The following GDF6 variants were observed in gnomAD, a reference collection of about 807,000 sequenced individuals.
The protein encoded by GDF6 is growth differentiation factor 6.
In GDF6, 3 loss-of-function variants were observed where a neutral mutation model predicts 32.4. The observed-to-expected ratio is 0.09, with a 90% CI of 0.04 to 0.24. The LOEUF is 0.24. GDF6 is among the 10% of genes least tolerant of loss of function. The pLI is 1.00. For synonymous variants in GDF6, 296 were observed against 295.3 expected, an observed-to-expected ratio of 1.00 and a Z score of -0.03; for missense variants, 589 against 637.9, an observed-to-expected ratio of 0.92 and a Z score of 0.83.
chr8:96,147,332 C>A (rs1812503612), intron 1 of GDF6, among the ~76,000 whole-genome samples: 1 of 152,214 alleles, frequency 6.6e-6, no homozygotes. Flanking sequence ...AGACCAGGGT[C>A]ACATTAAAAT....
intron 1 of GDF6, among the ~76,000 whole-genome samples, chr8:96,149,244 T>A (rs530648225): frequency 6.6e-6 from 1 of 152,368 alleles, no homozygotes; most frequent in South Asian, 2.1e-4. Flanking sequence ...GTGAATCCTA[T>A]GCTTTGGGCC....
In GDF6 at chr8:96,150,729, AC is replaced by A. The variant is rs539552349; in HGVS notation, c.407-5206del. ...GAAGGTCCTAATTCCAAGTACTCTG[AC>A]CCCAGTCCTGCAGCCATGCTGCTCT... On this transcript the variant is annotated intron_variant, in intron 1 of 1. Transcript: ENST00000287020. Among the ~76,000 whole-genome samples, 63 of 152,302 alleles carry A rather than the reference AC, an allele frequency of 4.1e-4. 1 individual carries two copies. The highest frequency in any genetic ancestry group is 1.5e-3 in the African/African-American group (62 of 41,566).
At position 96,144,526 on chromosome 8, in the gene GDF6, A is replaced by C; in HGVS notation, c.*37T>G. On this transcript the variant is annotated 3_prime_UTR_variant, in exon 2 of 2. Coordinates refer to ENST00000287020, the MANE Select transcript of GDF6 (RefSeq NM_001001557.4). This position sits in a 1 kb window ranked among gnomAD's most constrained non-coding sequence, Gnocchi z 5.1. ...TCCCCTGCAAGGCGGACCTTGGCCC[A>C]CCTTGGTTCCGGGCCAAGGCGGCGG... 1 of 1,608,326 alleles carries C rather than the reference A, an allele frequency of 6.2e-7. No individual in the cohort carries two copies. The highest frequency in any genetic ancestry group is 1.1e-5 in the South Asian group (1 of 90,096).
At chr8:96,152,470 G>A (rs1812585040) in intron 1 of GDF6, among the ~76,000 whole-genome samples, 1 of 152,148 alleles carries the variant, frequency 6.6e-6, no homozygotes, top group Non-Finnish European at 1.5e-5. Flanking sequence ...CCTTTTGTGG[G>A]GGCACGATCT....
rs557228176 is a variant in GDF6 at position 96,146,709 on chromosome 8, G to C, written c.407-1185C>G. Among the ~76,000 whole-genome samples the C allele has an allele frequency of 2.5e-3, 333 of 131,952 alleles. 1 individual carries two copies. Among genetic ancestry groups the C allele is most frequent in the East Asian group, 7.7e-3 (38 of 4,956 alleles). 86.6% of individuals were successfully genotyped at this position (131,952 alleles called of 152,430 possible). On this transcript the variant is annotated intron_variant, in intron 1 of 1. Coordinates refer to ENST00000287020, the MANE Select transcript of GDF6 (RefSeq NM_001001557.4). ...ACACACACACACACACACACACACA[G>C]AGAGAGAGAGAGAGAGATAGAGAGA...
chr8:96,154,110 AC>A (rs1452205989), intron 1 of GDF6, among the ~76,000 whole-genome samples: 1 of 151,950 alleles, frequency 6.6e-6, no homozygotes, highest in Non-Finnish European at 1.5e-5. Context: ...TGCCCTCTGC[AC>A]CCCACTAAAG....
At position 96,144,880 on chromosome 8, in the gene GDF6, T is replaced by C. The variant is rs776206685; in HGVS notation, c.1051A>G (p.Arg351Gly). The change falls in exon 2 of 2, where the codon AGG (arginine) becomes GGG (glycine). Residue 351 changes from arginine to glycine, a missense_variant. Physicochemically the swap from Arg to Gly is moderately radical, Grantham distance 125. Coordinates refer to ENST00000287020, the MANE Select transcript of GDF6 (RefSeq NM_001001557.4). This position sits in a 1 kb window ranked among gnomAD's most constrained non-coding sequence, Gnocchi z 5.1. Reference sequence around the variant, plus strand: ...AGGGGCTTCTTGCTGCAGCGTAGCCTGGACTTCTTGCCGTGCCGCTTGCCA... The same window carrying C: ...AGGGGCTTCTTGCTGCAGCGTAGCCCGGACTTCTTGCCGTGCCGCTTGCCA... ...RHGKRHGKKSRLRCSKKPLHV... is the reference protein window; with the variant it reads ...RHGKRHGKKSGLRCSKKPLHV... 6.2e-7 allele frequency: 1 copy of C among 1,613,608 alleles called. No individual in the cohort carries two copies. Among genetic ancestry groups the C allele is most frequent in the South Asian group, 1.1e-5 (1 of 90,994 alleles).
rs2130204240 is a variant in GDF6 at position 96,144,476 on chromosome 8, T to A, written c.*87A>T. 1 of 1,515,422 alleles carries A rather than the reference T, an allele frequency of 6.6e-7. No homozygotes were observed. Among genetic ancestry groups the A allele is most frequent in the East Asian group, 2.4e-5 (1 of 41,674 alleles). 93.9% of individuals were successfully genotyped at this position (1,515,422 alleles called of 1,614,324 possible). A position where few individuals can be genotyped will look rare whatever the true frequency, so the allele number is the denominator to read the frequency against. On this transcript the variant is annotated 3_prime_UTR_variant, in exon 2 of 2. Transcript: ENST00000287020. The surrounding 1 kb of genome is among the most constrained non-coding windows in gnomAD (Gnocchi z 5.1). ...TCAGCCTCCCCCAGCGCCAGCTTCC[T>A]CCTCCGCCTCTCTGCAGCCAGGCCT... is the stretch of plus-strand genomic sequence containing the variant.
chr8:96,153,025 T>A (rs1235850004), intron 1 of GDF6, among the ~76,000 whole-genome samples: 2 of 152,184 alleles, frequency 1.3e-5, no homozygotes, highest in African/African-American at 2.4e-5. Context: ...CCCACCCAAC[T>A]GAAAACAGCT....
rs781041300 is a variant in GDF6 at position 96,145,224 on chromosome 8, G to A, written c.707C>T (p.Ala236Val). The change falls in exon 2 of 2, where the codon GCA (alanine) becomes GTA (valine). Residue 236 changes from alanine (A) to valine (V), a missense_variant. By Grantham distance (64) the Ala-to-Val change is moderately conservative. Transcript: ENST00000287020. This position sits in a 1 kb window ranked among gnomAD's most constrained non-coding sequence, Gnocchi z 5.6. ...CTCCCCGGCGTCCAGCTCGCCCCAT[G>A]CGGCCCGCAGCTCCAAGCACAGCTG... ...WKQLCLELRA[A>V]WGELDAGEAE... The A allele has an allele frequency of 4.6e-6, 7 of 1,511,972 alleles. No homozygotes were observed. The highest frequency in any genetic ancestry group is 2.5e-5 in the South Asian group (2 of 81,564). 93.7% of individuals were successfully genotyped at this position (1,511,972 alleles called of 1,614,324 possible).
rs1349620690 is a variant in GDF6 at position 96,143,732 on chromosome 8, T to C, written c.*831A>G. ...TCTCATTATCCTTCAAGGGGTTCCA[T>C]TTGGACTAATTCTTGTCATTCCATC... On this transcript the variant is annotated 3_prime_UTR_variant, in exon 2 of 2. Transcript: ENST00000287020. The C allele has an allele frequency of 6.5e-6, 1 of 152,722 alleles. No homozygotes were observed. The highest frequency in any genetic ancestry group is 1.5e-5 in the Non-Finnish European group (1 of 68,120). The allele number at this position is 152,722 out of a possible 1,614,324, so 9.5% of individuals were successfully genotyped here. A position where few individuals can be genotyped will look rare whatever the true frequency, so the allele number is the denominator to read the frequency against.
chr8:96,148,712 G>A (rs1335250398), intron 1 of GDF6, among the ~76,000 whole-genome samples: 1 of 152,194 alleles, frequency 6.6e-6, no homozygotes, highest in Non-Finnish European at 1.5e-5. Flanking sequence ...CAGGGCTCAG[G>A]GCAGCATCTA....
At position 96,160,621 on chromosome 8, in the gene GDF6, C is replaced by A; in HGVS notation, c.72G>T (p.Gln24His). ...ACGAGGAGGATGAGATGGAAGCCTG[C>A]TGGAAACCGGGCAAATCCCACAGAA... Reference protein sequence around the residue: ...ISFLWDLPGFQQASISSSSSS... With the variant: ...ISFLWDLPGFHQASISSSSSS... Residue 24 changes from glutamine (Q) to histidine (H), a missense_variant, in exon 1 of 2, where the codon CAG becomes CAT. This residue lies in a region of GDF6 where 436 missense variants were observed against 411.2 expected (regional missense o/e 1.06). Coordinates refer to ENST00000287020, the MANE Select transcript of GDF6 (RefSeq NM_001001557.4). The A allele has an allele frequency of 6.2e-7, 1 of 1,613,762 alleles. No homozygotes were observed. Among genetic ancestry groups the A allele is most frequent in the Non-Finnish European group, 8.5e-7 (1 of 1,179,718 alleles).
At chr8:96,148,875 T>G (rs1812524988) in intron 1 of GDF6, among the ~76,000 whole-genome samples, 1 of 152,220 alleles carries the variant, frequency 6.6e-6, no homozygotes, top group Admixed American at 6.5e-5. Flanking sequence ...TCCAAGAAGG[T>G]GGCTCCTCTG....
intron 1 of GDF6, among the ~76,000 whole-genome samples, chr8:96,152,086 C>T (rs1374529638): frequency 6.6e-6 from 1 of 152,176 alleles, no homozygotes; most frequent in Non-Finnish European, 1.5e-5. Context: ...TCCTTGTGGT[C>T]CACTTCTCTC....
In GDF6 at chr8:96,160,499, T is replaced by C; in HGVS notation, c.194A>G (p.Gln65Arg). The C allele has an allele frequency of 1.2e-6, 2 of 1,612,982 alleles. No individual in the cohort carries two copies. The highest frequency in any genetic ancestry group is 2.2e-5 in the South Asian group (2 of 91,018). ...GTCCTGAGGCCGCGGCTGTGGTTCC[T>C]GGCCCTCCCGGCCCGCGTCACTGTC... ...PRDSDAGREG[Q>R]EPQPRPQDEP... Residue 65 changes from glutamine (Q) to arginine (R), a missense_variant, in exon 1 of 2, where the codon CAG becomes CGG. By Grantham distance (43) the Gln-to-Arg change is conservative. This residue lies in a region of GDF6 where 436 missense variants were observed against 411.2 expected (regional missense o/e 1.06). Coordinates refer to ENST00000287020, the MANE Select transcript of GDF6 (RefSeq NM_001001557.4).
At chr8:96,160,262 G>T (rs758289716) in intron 1 of GDF6, 25 bp downstream of exon 1, 1 of 1,613,766 alleles carries the variant, frequency 6.2e-7, no homozygotes, top group South Asian at 1.1e-5. Context: ...CGGGAGGGGA[G>T]TCGAGCGTTT....
At chr8:96,150,049 C>T (rs1201602968) in intron 1 of GDF6, among the ~76,000 whole-genome samples, 1 of 152,200 alleles carries the variant, frequency 6.6e-6, no homozygotes, top group Non-Finnish European at 1.5e-5. Context: ...AAGGGCCTGG[C>T]ATTGCATTTT....
chr8:96,149,246 C>T (rs1812531301), intron 1 of GDF6, among the ~76,000 whole-genome samples: 1 of 152,230 alleles, frequency 6.6e-6, no homozygotes, highest in Non-Finnish European at 1.5e-5. Context: ...GAATCCTATG[C>T]TTTGGGCCCT....
Sources: allele counts gnomAD v4.1 joint callset (sites outside exome capture counted in the v4.1 genomes callset), GRCh38; gene constraint gnomAD v4.1.1; regional missense constraint gnomAD v4.1.1; non-coding constraint Gnocchi (gnomAD v3.1); transcripts MANE v1.5; gene names NCBI Gene and HGNC (gene_info 2026-07-23, HGNC 2026-07-21).